Variants in ATP13A4 observed in about 807,000 individuals in gnomAD.
The protein encoded by ATP13A4 is probable cation-transporting ATPase 13A4.
A neutral mutation model predicts 142.5 loss-of-function variants in ATP13A4; 114 were observed. That is an observed-to-expected ratio of 0.80 (90% CI 0.69 to 0.93). ATP13A4 has a LOEUF of 0.93. Ranked by LOEUF, ATP13A4 falls within the 40% of genes least tolerant of loss-of-function variation. ATP13A4 has a pLI of 0.00. For synonymous variants in ATP13A4, 488 were observed against 514.8 expected (o/e 0.95, Z 0.70); for missense variants, 1,392 against 1,454.0 (o/e 0.96, Z 0.69).
Position 193,441,400 on chromosome 3 carries a change from G to A in ATP13A4, c.2439+66C>T. The A allele has an allele frequency of 3.2e-6, 5 of 1,581,430 alleles. No homozygotes were observed. The South Asian group carries it at 4.4e-5, about 14-fold the overall frequency. ...TGTCTCAAGATTTGAAATAATTTAG[G>A]ACCATGTTCTGTAAGTGACATCATC... On this transcript the variant is annotated intron_variant, in intron 20 of 29. Transcript: ENST00000342695.
chr3:193,560,339 G>A (rs776567497), intron 2 of ATP13A4, among the ~76,000 whole-genome samples: 8 of 151,956 alleles, frequency 5.3e-5, no homozygotes, highest in Non-Finnish European at 1.0e-4. Flanking sequence ...CTCTCAAGCA[G>A]TTGGGACTAC....
intron 1 of ATP13A4, among the ~76,000 whole-genome samples, chr3:193,525,138 T>G (rs1027185514): frequency 3.3e-5 from 5 of 152,206 alleles, no homozygotes; most frequent in South Asian, 2.1e-4. Context: ...ATGGCTCAAA[T>G]TTTATTGTAA....
At chr3:193,466,818 G>A (rs1718316725) in intron 10 of ATP13A4, among the ~76,000 whole-genome samples, 1 of 152,070 alleles carries the variant, frequency 6.6e-6, no homozygotes, top group Admixed American at 6.6e-5. Flanking sequence ...ATTGTTATCA[G>A]TACTATCATT....
chr3:193,486,629 T>A (rs1306918198), intron 7 of ATP13A4, among the ~76,000 whole-genome samples: 1 of 152,144 alleles, frequency 6.6e-6, no homozygotes, highest in Middle Eastern at 3.2e-3. Context: ...ATGTCAAAAG[T>A]GTTGAATTTA....
Position 193,454,099 on chromosome 3 carries a change from A to C in ATP13A4, c.2027+2T>G. 2.5e-6 allele frequency: 4 copies of C among 1,602,842 alleles called. No homozygotes were observed. In the East Asian group the frequency reaches 8.9e-5, roughly 36 times the overall value. On this transcript the variant is annotated splice_donor_variant, in intron 17 of 29. Transcript: ENST00000342695. LOFTEE classifies it high-confidence loss of function. ...TGCTTTATCAAAATCATCCCCATTT[A>C]CCTCGTCAAGGTAGTAGCGTGATGG...
At chr3:193,540,456 A>G (rs562579251) in intron 1 of ATP13A4, among the ~76,000 whole-genome samples, 1 of 147,700 alleles carries the variant, frequency 6.8e-6, no homozygotes, top group Admixed American at 6.8e-5. Context: ...CAGGAGTATT[A>G]AAAGTCAAAC....
chr3:193,425,333 C>T lies in ATP13A4; in HGVS notation c.2842+8512G>A, dbSNP rs145707969. ...CCTTAAAAATTAAAAATGGAACTAC[C>T]ATATGATCTAGCAATCCCACTACTG... On this transcript the variant is annotated intron_variant, in intron 25 of 29. Coordinates refer to ENST00000342695, the MANE Select transcript of ATP13A4 (RefSeq NM_032279.4). Among the ~76,000 whole-genome samples the T allele has an allele frequency of 3.3e-3, 501 of 151,670 alleles. 5 individuals carry two copies. Among genetic ancestry groups the T allele is most frequent in the African/African-American group, 0.012 (486 of 41,446 alleles).
rs1287462984 is a variant in ATP13A4, at chr3:193,441,471, G to A, written c.2434C>T (p.Pro812Ser). ...VISQHFSSLLPKILINGTIFA... is the reference protein window; with the variant it reads ...VISQHFSSLLSKILINGTIFA... ...GTCACCCTCTTAGAACTTACCTTTG[G>A]CAGTAGGCTGCTGAAATGTTGACTT... The change falls in exon 20 of 30, where the codon CCA (proline) becomes TCA (serine). Residue 812 changes from proline (P) to serine (S), a missense_variant. Physicochemically the swap from Pro to Ser is moderately conservative, Grantham distance 74. Transcript: ENST00000342695. 1 of 1,613,728 alleles carries A rather than the reference G, an allele frequency of 6.2e-7. No homozygotes were observed.
rs1714809447 is a variant in ATP13A4 at position 193,412,291 on chromosome 3, G to T, written c.3095C>A (p.Thr1032Asn). ...TAPEKMESNSTFTSFENTTVW... is the reference protein window; with the variant it reads ...TAPEKMESNSNFTSFENTTVW... ...TGTAGTGTTCTCAAAACTTGTGAAG[G>T]TGCTATTACTTTCCATTTTTTCTGG... Residue 1032 changes from threonine to asparagine, a missense_variant, in exon 27 of 30, where the codon ACC becomes AAC. Coordinates refer to ENST00000342695, the MANE Select transcript of ATP13A4 (RefSeq NM_032279.4). 1 of 1,613,574 alleles carries T rather than the reference G, an allele frequency of 6.2e-7. No individual in the cohort carries two copies. The highest frequency in any genetic ancestry group is 8.5e-7 in the Non-Finnish European group (1 of 1,179,632).
At chr3:193,474,833 T>C (rs1219869084) in intron 8 of ATP13A4, among the ~76,000 whole-genome samples, 4 of 152,020 alleles carry the variant, frequency 2.6e-5, no homozygotes, top group African/African-American at 9.7e-5. Context: ...TGGAGCTACA[T>C]GTCGGCAACT....
Position 193,467,504 on chromosome 3 carries a change from CT to C in ATP13A4, c.944-19del, listed in dbSNP as rs749127048. On this transcript the variant is annotated intron_variant, in intron 9 of 29. Transcript: ENST00000342695. Reference sequence around the variant, plus strand: ...ACTTTCTCCTACAGAAAACAAGCATCTTGTTTTGTGAGGCAGGATGGCTTCC... The same window carrying C: ...ACTTTCTCCTACAGAAAACAAGCATCTGTTTTGTGAGGCAGGATGGCTTCC... The C allele has an allele frequency of 6.2e-7, 1 of 1,611,884 alleles. No individual in the cohort carries two copies. The highest frequency in any genetic ancestry group is 8.5e-7 in the Non-Finnish European group (1 of 1,179,144).
chr3:193,584,658 T>A, intron 1 of ATP13A4, among the ~76,000 whole-genome samples: 1 of 152,000 alleles, frequency 6.6e-6, no homozygotes, highest in African/African-American at 2.4e-5. Flanking sequence ...AAATGTTTAA[T>A]GTAAACTTTC....
At chr3:193,407,176 A>C in intron 29 of ATP13A4, 137 bp downstream of exon 29, 1 of 729,506 alleles carries the variant, frequency 1.4e-6, no homozygotes, top group Non-Finnish European at 2.4e-6. Context: ...ACCATTGCTT[A>C]TACTGTGAAG....
chr3:193,532,483 G>C (rs1456232827), intron 1 of ATP13A4, among the ~76,000 whole-genome samples: 2 of 150,470 alleles, frequency 1.3e-5, no homozygotes, highest in Non-Finnish European at 3.0e-5. Context: ...TGAAGGGAAA[G>C]CTAAAAACAA....
chr3:193,572,565 C>T (rs1724291052), intron 2 of ATP13A4, among the ~76,000 whole-genome samples: 1 of 152,136 alleles, frequency 6.6e-6, no homozygotes, highest in South Asian at 2.1e-4. Flanking sequence ...GACGCCTCTG[C>T]CCCCTAGTGT....
At position 193,440,395 on chromosome 3, in the gene ATP13A4, T is replaced by C. The variant is rs972514716; in HGVS notation, c.2519+163A>G. ...CAGGATCTCTGAATGGTGAGATCCC[T>C]TGGTACTGCTATTTTCTCCAAAGCT... On this transcript the variant is annotated intron_variant, in intron 21 of 29. Coordinates refer to ENST00000342695, the MANE Select transcript of ATP13A4 (RefSeq NM_032279.4). 6.0e-6 allele frequency: 8 copies of C among 1,331,296 alleles called. No individual in the cohort carries two copies. The African/African-American group carries it at 1.0e-4, about 17-fold the overall frequency. The allele number at this position is 1,331,296 out of a possible 1,614,324, so 82.5% of individuals were successfully genotyped here. A position where few individuals can be genotyped will look rare whatever the true frequency, so the allele number is the denominator to read the frequency against.
intron 26 of ATP13A4, among the ~76,000 whole-genome samples, chr3:193,413,714 A>G (rs1053880756): frequency 6.6e-6 from 1 of 152,052 alleles, no homozygotes; most frequent in Non-Finnish European, 1.5e-5. Flanking sequence ...AGGATGGGGG[A>G]AAAAACCCCA....
At chr3:193,410,649 T>C (rs987911378) in intron 28 of ATP13A4, among the ~76,000 whole-genome samples, 1 of 152,132 alleles carries the variant, frequency 6.6e-6, no homozygotes, top group African/African-American at 2.4e-5. Flanking sequence ...AGCTCAGAAA[T>C]TTGAGGCTAT....
chr3:193,469,374 T>C (rs1576995781), intron 9 of ATP13A4, among the ~76,000 whole-genome samples: 2 of 152,204 alleles, frequency 1.3e-5, no homozygotes, highest in East Asian at 3.9e-4. Context: ...GCCTGTAATG[T>C]CAGCACTTTG....
Sources: allele counts gnomAD v4.1 joint callset (sites outside exome capture counted in the v4.1 genomes callset), GRCh38; gene constraint gnomAD v4.1.1; transcripts MANE v1.5; gene names NCBI Gene and HGNC (gene_info 2026-07-23, HGNC 2026-07-21).